MMP26: variants seen among roughly 807,000 people sequenced by gnomAD.
MMP26 encodes the protein matrix metalloproteinase-26.
Under a neutral mutation model 31.0 loss-of-function variants are expected in MMP26, and 33 were observed. The ratio of observed to expected loss-of-function variants is 1.06; its 90% CI spans 0.81 to 1.42. The LOEUF (loss-of-function observed/expected upper bound fraction) is 1.42, where lower values mean the gene tolerates loss of function less well. Among genes scored for constraint, MMP26 ranks in the 40% most tolerant of loss-of-function variants. MMP26 has a pLI of 0.00. For missense variants in MMP26, 347 were observed against 316.1 expected, an observed-to-expected ratio of 1.10 and a Z score of -0.74; for synonymous variants, 122 against 114.9, an observed-to-expected ratio of 1.06 and a Z score of -0.40.
At chr11:4,782,563 A>G (rs1564908447) in intron 2 of MMP26, among the ~76,000 whole-genome samples, 1 of 152,216 alleles carries the variant, frequency 6.6e-6, no homozygotes, top group Non-Finnish European at 1.5e-5. Context: ...AGAAATTCTC[A>G]TTTTCTGAGG....
At chr11:4,822,230 C>A in intron 2 of MMP26, 1 of 1,581,612 alleles carries the variant, frequency 6.3e-7, no homozygotes. Flanking sequence ...GGCCATTCAG[C>A]ACCTCCATTT....
intron 2 of MMP26, among the ~76,000 whole-genome samples, chr11:4,891,312 A>G (rs11034546): frequency 0.13 from 20,304 of 152,034 alleles, 2,234 homozygotes; most frequent in East Asian, 0.6. Flanking sequence ...GGTGAAGTAG[A>G]AACAGGCATG....
At chr11:4,858,921 A>G (rs1850100332) in intron 2 of MMP26, among the ~76,000 whole-genome samples, 1 of 152,212 alleles carries the variant, frequency 6.6e-6, no homozygotes, top group African/African-American at 2.4e-5. Context: ...AATACCACAC[A>G]TCTATAACCA....
chr11:4,751,435 G>A (rs1397478638), intron 1 of MMP26, among the ~76,000 whole-genome samples: 1 of 152,132 alleles, frequency 6.6e-6, no homozygotes, highest in African/African-American at 2.4e-5. Flanking sequence ...ATTTAAAGAT[G>A]AGCCTTGAAA....
intron 2 of MMP26, among the ~76,000 whole-genome samples, chr11:4,780,198 G>C (rs190212423): frequency 6.6e-6 from 1 of 152,176 alleles, no homozygotes; most frequent in East Asian, 1.9e-4. Context: ...ACACATTTCT[G>C]TTGGGGTTTA....
At position 4,946,320 on chromosome 11, in the gene MMP26, C is replaced by T. The variant is rs763198309; in HGVS notation, c.-144-41748C>T. 94 of 1,613,700 alleles carry T rather than the reference C, an allele frequency of 5.8e-5. No individual in the cohort carries two copies. Among genetic ancestry groups the T allele is most frequent in the Middle Eastern group, 1.6e-4 (1 of 6,084 alleles). On this transcript the variant is annotated intron_variant, in intron 2 of 7. Transcript: ENST00000380390. The stretch of plus-strand genomic sequence containing the variant: ...ACATGCCGGGCAAAGCGGTGGACAA[C>T]GGCCAGGTTGATGATGGGCAGGTAG...
chr11:4,708,001 A>G (rs1256316689), intron 1 of MMP26, among the ~76,000 whole-genome samples: 1 of 152,068 alleles, frequency 6.6e-6, no homozygotes, highest in East Asian at 1.9e-4. Context: ...CTCAGACTTC[A>G]TTTCCCTTAG....
In MMP26 at chr11:4,991,363, G is replaced by A. The variant is rs557011033; in HGVS notation, c.470-8G>A. On this transcript the variant is annotated splice_polypyrimidine_tract_variant and splice_region_variant and intron_variant, in intron 5 of 7. Coordinates refer to ENST00000380390, the MANE Select transcript of MMP26 (RefSeq NM_021801.5). The stretch of plus-strand genomic sequence containing the variant: ...CCTCATTGTGATCATAGCTTCTGTC[G>A]TCCACAGCCCATGAAGATGGTTGGC... 5.0e-6 allele frequency: 8 copies of A among 1,610,876 alleles called. No homozygotes were observed. Among genetic ancestry groups the A allele is most frequent in the African/African-American group, 1.3e-5 (1 of 74,954 alleles).
intron 1 of MMP26, among the ~76,000 whole-genome samples, chr11:4,722,144 T>A (rs971706001): frequency 3.3e-5 from 5 of 152,232 alleles, no homozygotes; most frequent in Non-Finnish European, 5.9e-5. Flanking sequence ...GTGAGCCAGT[T>A]AAACCTCTTT....
intron 2 of MMP26, among the ~76,000 whole-genome samples, chr11:4,977,894 A>G (rs966857092): frequency 1.3e-5 from 2 of 151,994 alleles, no homozygotes; most frequent in Admixed American, 6.6e-5. Flanking sequence ...GTGCATTGAT[A>G]TGGTAGGCTT....
intron 2 of MMP26, among the ~76,000 whole-genome samples, chr11:4,898,220 G>A (rs181660352): frequency 7.2e-5 from 11 of 151,924 alleles, no homozygotes; most frequent in African/African-American, 2.7e-4. Context: ...TTTTTTCTTA[G>A]TACTTTCAAA....
intron 1 of MMP26, chr11:4,723,501 A>G (rs1288610302): frequency 2.1e-5 from 24 of 1,141,266 alleles, no homozygotes; most frequent in Non-Finnish European, 3.1e-5. Context: ...TCTCCTCTTC[A>G]TACAGCTGCC....
intron 2 of MMP26, chr11:4,848,486 G>A: frequency 6.2e-7 from 1 of 1,613,692 alleles, no homozygotes. Context: ...CAGCCTTCCA[G>A]CGATCCTCTC....
chr11:4,950,665 C>G (rs4405302), intron 2 of MMP26, among the ~76,000 whole-genome samples: 89,044 of 120,512 alleles, frequency 0.74, 38,683 homozygotes, highest in Middle Eastern at 0.87. Context: ...GAGTAAATTT[C>G]TAATGTTCTC....
intron 2 of MMP26, among the ~76,000 whole-genome samples, chr11:4,775,772 AAG>A (rs58462157): frequency 6.9e-6 from 1 of 144,108 alleles, no homozygotes; most frequent in African/African-American, 2.7e-5. Context: ...GAGAGAGAGA[AAG>A]AGAGAGAGAG....
chr11:4,847,996 T>C, intron 2 of MMP26: 1 of 485,556 alleles, frequency 2.1e-6, no homozygotes, highest in Admixed American at 3.6e-5. Context: ...TGACAAGATC[T>C]GGACTCTGGC....
At chr11:4,833,925 A>G (rs1420745944) in intron 2 of MMP26, among the ~76,000 whole-genome samples, 1 of 152,198 alleles carries the variant, frequency 6.6e-6, no homozygotes, top group Non-Finnish European at 1.5e-5. Flanking sequence ...GTAAATTTCC[A>G]CAGGACAAGA....
At chr11:4,807,965 C>G (rs2133458691) in intron 2 of MMP26, among the ~76,000 whole-genome samples, 1 of 152,098 alleles carries the variant, frequency 6.6e-6, no homozygotes, top group Admixed American at 6.5e-5. Flanking sequence ...CCACAACGCC[C>G]AGCAAATTTT....
intron 2 of MMP26, among the ~76,000 whole-genome samples, chr11:4,978,473 C>T (rs1453456614): frequency 2.6e-5 from 4 of 152,034 alleles, no homozygotes; most frequent in Non-Finnish European, 5.9e-5. Context: ...TCTTTTGGTA[C>T]AATATTTTTA....
Sources: allele counts gnomAD v4.1 joint callset (sites outside exome capture counted in the v4.1 genomes callset), GRCh38; gene constraint gnomAD v4.1.1; transcripts MANE v1.5; gene names NCBI Gene and HGNC (gene_info 2026-07-23, HGNC 2026-07-21).